SORCS1: variants seen among roughly 807,000 people sequenced by gnomAD.
SORCS1 encodes sortilin related VPS10 domain containing receptor 1.
SORCS1 carries 60 observed loss-of-function variants against 146.1 expected under a neutral mutation model. That is an observed-to-expected ratio of 0.41 (90% confidence interval 0.33 to 0.51). The LOEUF (loss-of-function observed/expected upper bound fraction) is 0.51. Ranked by LOEUF, SORCS1 falls within the 20% of genes least tolerant of loss-of-function variation. The probability of loss-of-function intolerance (pLI) is 0.21; values close to 1 mark genes in which losing one functional copy is unlikely to be tolerated. For missense variants in SORCS1, 1,352 were observed against 1,487.6 expected (o/e 0.91, Z 1.50); for synonymous variants, 637 against 584.0 (o/e 1.09, Z -1.31).
chr10:106,740,967 T>C (rs1305671809), intron 5 of SORCS1, among the ~76,000 whole-genome samples: 2 of 152,240 alleles, frequency 1.3e-5, no homozygotes, highest in East Asian at 1.9e-4. Flanking sequence ...GTAGAGATAA[T>C]AGTACCGAAT....
intron 1 of SORCS1, among the ~76,000 whole-genome samples, chr10:107,153,449 G>A (rs1369036603): frequency 1.3e-5 from 2 of 152,130 alleles, no homozygotes. Flanking sequence ...AACATATATT[G>A]TTTAACTGGG....
chr10:106,613,605 T>C (rs752598984), intron 21 of SORCS1, among the ~76,000 whole-genome samples: 8 of 152,194 alleles, frequency 5.3e-5, no homozygotes, highest in Non-Finnish European at 8.8e-5. Context: ...CTCTCTGGAG[T>C]TGGAGGTCTG....
At chr10:107,103,012 T>A (rs1357427167) in intron 1 of SORCS1, among the ~76,000 whole-genome samples, 2 of 152,196 alleles carry the variant, frequency 1.3e-5, no homozygotes, top group East Asian at 3.8e-4. Context: ...GCCTATCTAA[T>A]TCGTTCTACC....
At chr10:106,988,530 A>C (rs1956594502) in intron 1 of SORCS1, among the ~76,000 whole-genome samples, 1 of 152,100 alleles carries the variant, frequency 6.6e-6, no homozygotes, top group African/African-American at 2.4e-5. Flanking sequence ...TCAAAAAGTG[A>C]GTAAATATTC....
rs560050152 is a variant in SORCS1, at chr10:106,762,687, G to T, written c.886-1026C>A. On this transcript the variant is annotated intron_variant, in intron 4 of 25. Coordinates refer to ENST00000263054, the MANE Select transcript of SORCS1 (RefSeq NM_052918.5). ...GCTGGGATTACAGGCGTGAGCCACC[G>T]TGCCCAGCCTATTATTCATTCTTTG... Among the ~76,000 whole-genome samples, 23 of 152,030 alleles carry T rather than the reference G, an allele frequency of 1.5e-4. No homozygotes were observed. The South Asian group carries it at 2.9e-3, about 19-fold the overall frequency.
intron 1 of SORCS1, among the ~76,000 whole-genome samples, chr10:107,044,110 C>A (rs1055134748): frequency 1.3e-5 from 2 of 152,102 alleles, no homozygotes; most frequent in Admixed American, 1.3e-4. Context: ...CAAAAAAAGC[C>A]TGTGATGGAG....
At chr10:106,827,078 C>A (rs769599764) in intron 3 of SORCS1, among the ~76,000 whole-genome samples, 1 of 152,166 alleles carries the variant, frequency 6.6e-6, no homozygotes, top group Non-Finnish European at 1.5e-5. Context: ...CCAGTCTTAG[C>A]AGCTATATCT....
At chr10:107,024,887 T>C (rs1188587142) in intron 1 of SORCS1, among the ~76,000 whole-genome samples, 1 of 152,234 alleles carries the variant, frequency 6.6e-6, no homozygotes, top group Non-Finnish European at 1.5e-5. Flanking sequence ...TGACTATTAT[T>C]AAATATTACA....
chr10:106,932,048 C>T (rs905415698), intron 2 of SORCS1, among the ~76,000 whole-genome samples: 1 of 152,042 alleles, frequency 6.6e-6, no homozygotes, highest in Non-Finnish European at 1.5e-5. Flanking sequence ...GGTTTGGGGA[C>T]GTTGACAGTT....
At chr10:106,718,685 C>T (rs1855561961) in intron 6 of SORCS1, among the ~76,000 whole-genome samples, 1 of 152,184 alleles carries the variant, frequency 6.6e-6, no homozygotes, top group African/African-American at 2.4e-5. Flanking sequence ...TTTGGCCCTG[C>T]CCACGTCCTG....
At chr10:107,032,033 T>G (rs1056798886) in intron 1 of SORCS1, among the ~76,000 whole-genome samples, 1 of 152,134 alleles carries the variant, frequency 6.6e-6, no homozygotes, top group Non-Finnish European at 1.5e-5. Flanking sequence ...AGAGTGCCCA[T>G]AGGACTCAGT....
At chr10:107,064,441 G>T (rs56306712) in intron 1 of SORCS1, among the ~76,000 whole-genome samples, 1 of 152,122 alleles carries the variant, frequency 6.6e-6, no homozygotes, top group African/African-American at 2.4e-5. Context: ...CACAGTTCCC[G>T]CTATTCCCAA....
intron 12 of SORCS1, 68 bp downstream of exon 12, chr10:106,679,188 T>C (rs1852252686): frequency 5.4e-6 from 7 of 1,285,980 alleles, no homozygotes; most frequent in Non-Finnish European, 7.7e-6. Flanking sequence ...AGTTCCCAGA[T>C]TTGAACCAAG....
intron 4 of SORCS1, among the ~76,000 whole-genome samples, chr10:106,770,985 C>A (rs565890784): frequency 1.3e-5 from 2 of 152,358 alleles, no homozygotes; most frequent in South Asian, 2.1e-4. Flanking sequence ...GGGCAGCAGG[C>A]CCTTCTCTGG....
chr10:106,893,453 C>T (rs1021908685), intron 2 of SORCS1, among the ~76,000 whole-genome samples: 1 of 152,134 alleles, frequency 6.6e-6, no homozygotes, highest in African/African-American at 2.4e-5. Flanking sequence ...ATGTACTTCT[C>T]ATAATTCATG....
intron 17 of SORCS1, chr10:106,667,030 C>G (rs989526318): frequency 6.6e-6 from 1 of 152,182 alleles, no homozygotes; most frequent in Non-Finnish European, 1.5e-5. Flanking sequence ...TAAATAGGTT[C>G]TACACACTAT....
chr10:106,760,206 A>G (rs1207865775), intron 5 of SORCS1, among the ~76,000 whole-genome samples: 1 of 151,960 alleles, frequency 6.6e-6, no homozygotes, highest in Admixed American at 6.6e-5. Context: ...GCACTTTGGG[A>G]GGCCGAGGTG....
At chr10:106,752,738 T>C (rs1858351219) in intron 5 of SORCS1, among the ~76,000 whole-genome samples, 1 of 152,048 alleles carries the variant, frequency 6.6e-6, no homozygotes, top group South Asian at 2.1e-4. Flanking sequence ...CATTGGGGTG[T>C]TGGTGGTGGA....
intron 8 of SORCS1, among the ~76,000 whole-genome samples, chr10:106,703,163 C>A (rs539640186): frequency 2.0e-5 from 3 of 151,080 alleles, no homozygotes; most frequent in African/African-American, 7.3e-5. Context: ...TGTTGTGAAT[C>A]TAAGCTCCTT....
Sources: allele counts gnomAD v4.1 joint callset (sites outside exome capture counted in the v4.1 genomes callset), GRCh38; gene constraint gnomAD v4.1.1; transcripts MANE v1.5; gene names NCBI Gene and HGNC (gene_info 2026-07-23, HGNC 2026-07-21).